AKAP11: variants seen among roughly 807,000 people sequenced by gnomAD.
The protein encoded by AKAP11 is A-kinase anchoring protein 11.
Under a neutral mutation model 146.1 loss-of-function variants are expected in AKAP11, and 36 were observed. The observed-to-expected ratio is 0.25, with a 90% CI of 0.19 to 0.33. AKAP11 has a LOEUF of 0.33. Among genes scored for constraint, AKAP11 ranks in the 10% least tolerant of loss-of-function variants. The probability of loss-of-function intolerance (pLI) is 1.00; values close to 1 mark genes in which losing one functional copy is unlikely to be tolerated. For synonymous variants in AKAP11, 780 were observed against 786.5 expected (o/e 0.99, Z 0.14); for missense variants, 2,201 against 2,197.0 (o/e 1.00, Z -0.04).
chr13:42,297,983 A>T (rs1366905010), intron 6 of AKAP11, among the ~76,000 whole-genome samples: 6 of 151,864 alleles, frequency 4.0e-5, no homozygotes, highest in Non-Finnish European at 8.8e-5. Flanking sequence ...TACTTGAAAA[A>T]AGTAGTATGA....
intron 9 of AKAP11, among the ~76,000 whole-genome samples, chr13:42,310,969 A>G (rs954784014): frequency 1.3e-5 from 2 of 152,184 alleles, no homozygotes; most frequent in Admixed American, 6.5e-5. Flanking sequence ...CAGATTTTCA[A>G]AAGTGTTTAG....
chr13:42,289,536 A>G (rs1303081634), intron 3 of AKAP11, among the ~76,000 whole-genome samples: 1 of 152,140 alleles, frequency 6.6e-6, no homozygotes, highest in African/African-American at 2.4e-5. Context: ...CCAAGTAGGT[A>G]CCTATATCCT....
chr13:42,306,420 C>G (rs1417700526), intron 8 of AKAP11, among the ~76,000 whole-genome samples: 1 of 152,120 alleles, frequency 6.6e-6, no homozygotes, highest in Non-Finnish European at 1.5e-5. Context: ...TAGCAAATGC[C>G]TTTGTTATTG....
At chr13:42,287,655 T>C (rs989656813) in intron 3 of AKAP11, among the ~76,000 whole-genome samples, 2 of 152,214 alleles carry the variant, frequency 1.3e-5, no homozygotes, top group Admixed American at 6.5e-5. Context: ...GGTCCACTTT[T>C]TAATTTGAAA....
Position 42,301,834 on chromosome 13 carries a change from A to G in AKAP11, c.3088A>G (p.Thr1030Ala), listed in dbSNP as rs146304858. 438 of 1,614,154 alleles carry G rather than the reference A, an allele frequency of 2.7e-4. No individual in the cohort carries two copies. The African/African-American group carries it at 4.9e-3, about 18-fold the overall frequency. ...GACACTGCCATCTTGTCCAGCTGTGACAGGTCAGAAATCTGACTTGAAGGA... is the reference window on the plus strand; with the variant it reads ...GACACTGCCATCTTGTCCAGCTGTGGCAGGTCAGAAATCTGACTTGAAGGA... Reference protein sequence around the residue: ...LETLPSCPAVTGQKSDLKESA... With the variant: ...LETLPSCPAVAGQKSDLKESA... Residue 1030 changes from threonine (T) to alanine (A), a missense_variant, in exon 8 of 13, where the codon ACA (threonine) becomes GCA (alanine). Physicochemically the swap from Thr to Ala is moderately conservative, Grantham distance 58. Transcript: ENST00000025301.
At position 42,300,556 on chromosome 13, in the gene AKAP11, G is replaced by A; in HGVS notation, c.1810G>A (p.Ala604Thr). Residue 604 changes from alanine (A) to threonine (T), a missense_variant, in exon 8 of 13, where the codon GCA (alanine) becomes ACA (threonine). Around this residue, in one of 3 missense-constraint regions of AKAP11, gnomAD observed 1,867 missense variants for 1,833.5 expected, o/e 1.02. Coordinates refer to ENST00000025301, the MANE Select transcript of AKAP11 (RefSeq NM_016248.4). ...MAFDELRRQR[A>T]FSLKERAISG... The stretch of plus-strand genomic sequence containing the variant: ...ATTTGATGAGCTGAGAAGGCAGCGT[G>A]CATTTTCACTAAAAGAACGTGCCAT... 1 of 1,613,968 alleles carries A rather than the reference G, an allele frequency of 6.2e-7. No homozygotes were observed. Among genetic ancestry groups the A allele is most frequent in the Non-Finnish European group, 8.5e-7 (1 of 1,179,934 alleles).
At chr13:42,293,787 CTT>C (rs1959338287) in intron 4 of AKAP11, among the ~76,000 whole-genome samples, 3 of 152,146 alleles carry the variant, frequency 2.0e-5, no homozygotes, top group African/African-American at 7.2e-5. Flanking sequence ...TATTTTCTCT[CTT>C]GTATTCAGTA....
In AKAP11 at chr13:42,308,711, T is replaced by C; in HGVS notation, c.5273+102T>C. On this transcript the variant is annotated intron_variant, in intron 9 of 12. Transcript: ENST00000025301. ...TTTAAAAATTCTAAATTTGAAAATA[T>C]GCTATTACTTTCAAAATGTATTTTA... is the stretch of plus-strand genomic sequence containing the variant. 5.7e-6 allele frequency: 5 copies of C among 881,656 alleles called. No individual in the cohort carries two copies. In the South Asian group the frequency reaches 8.5e-5, roughly 15 times the overall value. 54.6% of individuals were successfully genotyped at this position (881,656 alleles called of 1,614,324 possible).
chr13:42,314,232 G>A (rs1960704789), intron 11 of AKAP11, among the ~76,000 whole-genome samples: 1 of 152,118 alleles, frequency 6.6e-6, no homozygotes, highest in South Asian at 2.1e-4. Flanking sequence ...ATCGCATGAG[G>A]CCAGGAATTT....
At chr13:42,282,101 C>T (rs1248490502) in intron 1 of AKAP11, among the ~76,000 whole-genome samples, 4 of 151,056 alleles carry the variant, frequency 2.6e-5, no homozygotes, top group East Asian at 1.9e-4. Context: ...CCCGAGTGGC[C>T]GGGATTACAG....
intron 1 of AKAP11, among the ~76,000 whole-genome samples, chr13:42,280,240 T>C (rs1959031299): frequency 6.6e-6 from 1 of 152,214 alleles, no homozygotes; most frequent in African/African-American, 2.4e-5. Flanking sequence ...CCGTGTTCCC[T>C]GTTGTCTGAT....
Position 42,295,697 on chromosome 13 carries a change from C to G in AKAP11, c.171C>G (p.Val57=), listed in dbSNP as rs1339345334. ...QQDEHANLTE[V]TFLGFNEETD... ...AGGTTTATTTGTTCTTTACTCAGGT[C>G]ACATTTCTGGGTTTTAATGAAGAGA... The change falls in exon 5 of 13, where the codon GTC becomes GTG. Residue 57 remains valine (V), a splice_region_variant and synonymous_variant. Coordinates refer to ENST00000025301, the MANE Select transcript of AKAP11 (RefSeq NM_016248.4). 1 of 1,612,194 alleles carries G rather than the reference C, an allele frequency of 6.2e-7. No homozygotes were observed. Among genetic ancestry groups the G allele is most frequent in the Admixed American group, 1.7e-5 (1 of 59,802 alleles).
At chr13:42,296,903 A>C (rs1251937126) in intron 5 of AKAP11, 145 bp from the exon 6 acceptor site, 2 of 510,854 alleles carry the variant, frequency 3.9e-6, no homozygotes, top group Non-Finnish European at 6.6e-6. Context: ...TTATCTGTGA[A>C]TAATAAACTG....
Position 42,279,682 on chromosome 13 carries a change from A to ATT in AKAP11, c.-99-6302_-99-6301dup, listed in dbSNP as rs1368366439. Among the ~76,000 whole-genome samples, 3 of 151,668 alleles carry ATT rather than the reference A, an allele frequency of 2.0e-5. No individual in the cohort carries two copies. In the East Asian group the frequency reaches 5.8e-4, roughly 29 times the overall value. On this transcript the variant is annotated intron_variant, in intron 1 of 12. Coordinates refer to ENST00000025301, the MANE Select transcript of AKAP11 (RefSeq NM_016248.4). Reference sequence around the variant, plus strand: ...TCATCACTGTCATTTCTAGGTCTTCATTTATTGCCTTTTTTTCTCTTGGTT... The same window carrying ATT: ...TCATCACTGTCATTTCTAGGTCTTCATTTTTATTGCCTTTTTTTCTCTTGGTT...
chr13:42,302,298 A>C lies in AKAP11; in HGVS notation c.3552A>C (p.Glu1184Asp), dbSNP rs1959971703. ...GTAGTGAAAGTGGAGAGCTCCCAGA[A>C]GTGGATGTGAAGTCGGAGCACTCAG... ...VESSESGELPEVDVKSEHSGK... is the reference protein window; with the variant it reads ...VESSESGELPDVDVKSEHSGK... The change falls in exon 8 of 13, where the codon GAA (glutamate) becomes GAC (aspartate). Residue 1184 changes from glutamate to aspartate, a missense_variant. This residue lies in a region of AKAP11 where 1,867 missense variants were observed against 1,833.5 expected (regional missense o/e 1.02). Transcript: ENST00000025301. 6.2e-7 allele frequency: 1 copy of C among 1,614,036 alleles called. No homozygotes were observed. The highest frequency in any genetic ancestry group is 1.3e-5 in the African/African-American group (1 of 74,916).
intron 1 of AKAP11, among the ~76,000 whole-genome samples, chr13:42,275,530 G>T (rs766421940): frequency 6.6e-6 from 1 of 152,226 alleles, no homozygotes; most frequent in Admixed American, 6.5e-5. Context: ...TTAACAAAAG[G>T]AGAGTGGACA....
Position 42,301,920 on chromosome 13 carries a change from G to A in AKAP11, c.3174G>A (p.Leu1058=). 1 of 1,614,130 alleles carries A rather than the reference G, an allele frequency of 6.2e-7. No homozygotes were observed. The highest frequency in any genetic ancestry group is 8.5e-7 in the Non-Finnish European group (1 of 1,180,010). ...HNLNSTSLEA[L]SFGQENPFPH... The stretch of plus-strand genomic sequence containing the variant: ...TGAATAGTACATCACTTGAGGCCTT[G>A]TCTTTTGGACAGGAAAACCCCTTTC... The change falls in exon 8 of 13, where the codon TTG becomes TTA. Residue 1058 remains leucine, a synonymous_variant. Coordinates refer to ENST00000025301, the MANE Select transcript of AKAP11 (RefSeq NM_016248.4).
Position 42,322,604 on chromosome 13 carries a change from C to T in AKAP11, c.*3376C>T, listed in dbSNP as rs1056189738. The T allele has an allele frequency of 4.6e-5, 7 of 152,248 alleles. No homozygotes were observed. The highest frequency in any genetic ancestry group is 8.8e-5 in the Non-Finnish European group (6 of 67,974). The allele number at this position is 152,248 out of a possible 1,614,324, so 9.4% of individuals were successfully genotyped here. ...ATTTAAAAACCCTGTCCACCTGTCA[C>T]CAGCACAAGAGAATTAGAGCTTCAG... On this transcript the variant is annotated 3_prime_UTR_variant, in exon 13 of 13. Transcript: ENST00000025301.
chr13:42,296,188 T>A (rs1212864699), intron 5 of AKAP11, among the ~76,000 whole-genome samples: 1 of 152,180 alleles, frequency 6.6e-6, no homozygotes, highest in Non-Finnish European at 1.5e-5. Context: ...TTCCTACATA[T>A]TTCCTTTTGT....
Sources: gnomAD v4.1 joint callset for allele counts (sites outside exome capture counted in the v4.1 genomes callset) on GRCh38, gnomAD v4.1.1 for gene constraint, gnomAD v4.1.1 regional missense constraint, MANE v1.5 for transcripts, NCBI Gene and HGNC (gene_info 2026-07-23, HGNC 2026-07-21) for gene names.